Variants in PRDM8 observed in about 807,000 individuals in gnomAD.
PRDM8 encodes PR/SET domain 8.
Under a neutral mutation model 46.5 loss-of-function variants are expected in PRDM8, and 13 were observed. The observed-to-expected ratio is 0.28, with a 90% CI of 0.18 to 0.44. The LOEUF (loss-of-function observed/expected upper bound fraction) is 0.44. Among genes scored for constraint, PRDM8 ranks in the 20% least tolerant of loss-of-function variants. PRDM8 has a pLI of 1.00. For synonymous variants in PRDM8, 473 were observed against 438.4 expected (o/e 1.08, Z -0.98); for missense variants, 998 against 955.0 (o/e 1.04, Z -0.59).
chr4:80,202,452 A>G lies in PRDM8; in HGVS notation c.990A>G (p.Val330=). 1 of 1,544,838 alleles carries G rather than the reference A, an allele frequency of 6.5e-7. No homozygotes were observed. The highest frequency in any genetic ancestry group is 8.7e-7 in the Non-Finnish European group (1 of 1,146,088). ...AGGGCGGCGGTGGCGCTGGTCTGGT[A>G]GGGGGCCGGGGCCGCTTCGTAGAGC... ...AAEGGGGAGL[V]GGRGRFVERP... is the part of the protein sequence containing the mutation. The change falls in exon 4 of 4, where the codon GTA becomes GTG. Residue 330 remains valine, a synonymous_variant. Coordinates refer to ENST00000415738, the MANE Select transcript of PRDM8 (RefSeq NM_001099403.2).
chr4:80,185,404 G>A (rs995748025), exon 1 of PRDM8: 7 of 152,356 alleles, frequency 4.6e-5, no homozygotes, highest in African/African-American at 1.7e-4. Context: ...GGGAAACTGA[G>A]GAGACCCGCA....
rs138488658 is a variant in PRDM8 at position 80,187,249 on chromosome 4, C to CGGG, written c.-983+1735_-983+1737dup. Among the ~76,000 whole-genome samples the CGGG allele has an allele frequency of 5.2e-4, 63 of 121,744 alleles. 7 individuals are homozygous for CGGG. Among genetic ancestry groups the CGGG allele is most frequent in the African/African-American group, 1.4e-3 (49 of 34,010 alleles). The allele number at this position is 121,744 out of a possible 152,430, so 79.9% of individuals were successfully genotyped here. On this transcript the variant is annotated intron_variant, in intron 1 of 9. Transcript: ENST00000339711. Reference sequence around the variant, plus strand: ...TGTATCAGCATTCTCTGCCCTGGGGCGGGGGGAAGCAGAAGAATATCATCT... The same window carrying CGGG: ...TGTATCAGCATTCTCTGCCCTGGGGCGGGGGGGGGAAGCAGAAGAATATCATCT...
At chr4:80,195,916 C>CAA (rs1737907641), upstream of PRDM8, 1 of 180,602 alleles carries the variant, frequency 5.5e-6, no homozygotes, top group African/African-American at 3.0e-5. Flanking sequence ...CACACACACA[C>CAA]ACACACACAC....
chr4:80,202,202 C>A lies in PRDM8; in HGVS notation c.740C>A (p.Ser247Tyr), dbSNP rs781560136. The A allele has an allele frequency of 1.9e-6, 3 of 1,612,092 alleles. No individual in the cohort carries two copies. The highest frequency in any genetic ancestry group is 1.1e-5 in the South Asian group (1 of 91,056). Reference sequence around the variant, plus strand: ...CCCTCCCCGGAAAGCAGCAACCCATCCGCTGCCGCCGGCGGCAGCAGCGCG... The same window carrying A: ...CCCTCCCCGGAAAGCAGCAACCCATACGCTGCCGCCGGCGGCAGCAGCGCG... Reference protein sequence around the residue: ...PSPSPESSNPSAAAGGSSAKP... With the variant: ...PSPSPESSNPYAAAGGSSAKP... The change falls in exon 4 of 4, where the codon TCC becomes TAC. Residue 247 changes from serine (S) to tyrosine (Y), a missense_variant. By Grantham distance (144) the Ser-to-Tyr change is moderately radical. Coordinates refer to ENST00000415738, the MANE Select transcript of PRDM8 (RefSeq NM_001099403.2).
chr4:80,193,289 C>G (rs903060256), upstream of PRDM8, among the ~76,000 whole-genome samples: 9 of 152,270 alleles, frequency 5.9e-5, no homozygotes, highest in East Asian at 1.7e-3. Context: ...AGGAACAGAC[C>G]TAAACTGAGT....
chr4:80,186,563 C>A (rs1737107117), intron 1 of PRDM8, among the ~76,000 whole-genome samples: 1 of 152,052 alleles, frequency 6.6e-6, no homozygotes, highest in South Asian at 2.1e-4. Flanking sequence ...CGGGTAGGGT[C>A]TCCTCTTTTC....
rs1553904883 is a variant in PRDM8, at chr4:80,199,018, T to TTTTTA, written c.-2-1061_-2-1060insTTTTA. Among the ~76,000 whole-genome samples the TTTTTA allele has an allele frequency of 2.9e-4, 26 of 89,184 alleles. 1 individual carries two copies. Among genetic ancestry groups the TTTTTA allele is most frequent in the East Asian group, 6.0e-4 (1 of 1,676 alleles). The allele number at this position is 89,184 out of a possible 152,430, so 58.5% of individuals were successfully genotyped here. A position where few individuals can be genotyped will look rare whatever the true frequency, so the allele number is the denominator to read the frequency against. ...TGTTTTTTTTTTTTTTTTTTTTTTT[T>TTTTTA]AGTGATAAGTCTTGTATGGGGTGTC... On this transcript the variant is annotated intron_variant, in intron 1 of 3. Coordinates refer to ENST00000415738, the MANE Select transcript of PRDM8 (RefSeq NM_001099403.2).
Position 80,201,352 on chromosome 4 carries a change from G to T in PRDM8, c.282G>T (p.Ser94=), listed in dbSNP as rs777124231. 6.2e-7 allele frequency: 1 copy of T among 1,614,214 alleles called. No homozygotes were observed. Among genetic ancestry groups the T allele is most frequent in the Non-Finnish European group, 8.5e-7 (1 of 1,180,036 alleles). The part of the protein sequence containing the change: ...EGLMWLRLVQ[S]ARDKEEQNLE... ...TCATGTGGCTGCGGTTGGTCCAATC[G>T]GCCAGAGATAAGGAAGAGCAGAACC... The change falls in exon 3 of 4, where the codon TCG becomes TCT. Residue 94 remains serine, a synonymous_variant. Transcript: ENST00000415738.
intron 3 of PRDM8, 41 bp from the exon 4 acceptor site, chr4:80,201,873 T>C (rs536287220): frequency 2.1e-5 from 33 of 1,604,150 alleles, no homozygotes; most frequent in East Asian, 1.3e-4. Flanking sequence ...TGTGTGTGTG[T>C]GTGCGTGCGT....
Position 80,202,552 on chromosome 4 carries a change from C to G in PRDM8, c.1090C>G (p.Leu364Val). 2 of 1,535,370 alleles carry G rather than the reference C, an allele frequency of 1.3e-6. No homozygotes were observed. The highest frequency in any genetic ancestry group is 1.7e-6 in the Non-Finnish European group (2 of 1,146,436). ...QYRASGSYFG[L>V]EENGRLFAPP... is the part of the protein sequence containing the mutation. ...CCGAGCCTCGGGCAGCTACTTCGGCCTGGAAGAGAACGGCCGCCTCTTCGC... is the reference window on the plus strand; with the variant it reads ...CCGAGCCTCGGGCAGCTACTTCGGCGTGGAAGAGAACGGCCGCCTCTTCGC... The change falls in exon 4 of 4, where the codon CTG becomes GTG. Residue 364 changes from leucine (L) to valine (V), a missense_variant. By Grantham distance (32) the Leu-to-Val change is conservative (BLOSUM62 1). Coordinates refer to ENST00000415738, the MANE Select transcript of PRDM8 (RefSeq NM_001099403.2).
chr4:80,196,430 C>T, upstream of PRDM8: 1 of 985,450 alleles, frequency 1.0e-6, no homozygotes, highest in Non-Finnish European at 1.2e-6. Context: ...AAGGAGTCAA[C>T]TTGCAGGCTG....
chr4:80,203,043 C>T lies in PRDM8; in HGVS notation c.1581C>T (p.His527=). 1 of 1,554,166 alleles carries T rather than the reference C, an allele frequency of 6.4e-7. No individual in the cohort carries two copies. Among genetic ancestry groups the T allele is most frequent in the Non-Finnish European group, 8.6e-7 (1 of 1,159,586 alleles). ...AGCTGGGCGCGCTCGAGCCATGCCA[C>T]CCCGCCGACGGCGTGGGCCCCACCA... The part of the protein sequence containing the change: ...GQKLGALEPC[H]PADGVGPTRL... The change falls in exon 4 of 4, where the codon CAC becomes CAT. Residue 527 remains histidine, a synonymous_variant. Transcript: ENST00000415738.
At position 80,200,153 on chromosome 4, in the gene PRDM8, A is replaced by AT. The variant is rs1476641870; in HGVS notation, c.78dup (p.Thr27TyrfsTer11). The stretch of plus-strand genomic sequence containing the variant: ...GGCTGTCCAACAATGTCTGACAGAT[A>AT]TTTTTACCAGCGTTTACACCACCTG... On this transcript the variant is annotated frameshift_variant, in exon 2 of 4. Coordinates refer to ENST00000415738, the MANE Select transcript of PRDM8 (RefSeq NM_001099403.2). LOFTEE classifies it high-confidence loss of function. 1.2e-6 allele frequency: 2 copies of AT among 1,614,114 alleles called. No homozygotes were observed.
intron 2 of PRDM8, among the ~76,000 whole-genome samples, chr4:80,200,572 C>CCTGGT (rs1738366215): frequency 1.3e-5 from 2 of 152,164 alleles, no homozygotes; most frequent in African/African-American, 4.8e-5. Flanking sequence ...GTGATGAACA[C>CCTGGT]GACTTCCTAA....
rs1300612719 is a variant in PRDM8, at chr4:80,202,461, G to A, written c.999G>A (p.Arg333=). 3 of 1,544,160 alleles carry A rather than the reference G, an allele frequency of 1.9e-6. No homozygotes were observed. In the South Asian group the frequency reaches 3.6e-5, roughly 18 times the overall value. ...GTGGCGCTGGTCTGGTAGGGGGCCG[G>A]GGCCGCTTCGTAGAGCGGCCCCTCC... ...GGGGAGLVGG[R]GRFVERPLPA... Residue 333 remains arginine (R), a synonymous_variant, in exon 4 of 4, where the codon CGG becomes CGA. Coordinates refer to ENST00000415738, the MANE Select transcript of PRDM8 (RefSeq NM_001099403.2).
upstream of PRDM8, among the ~76,000 whole-genome samples, chr4:80,195,715 A>G (rs994690700): frequency 2.0e-5 from 3 of 152,184 alleles, no homozygotes; most frequent in East Asian, 5.8e-4. Context: ...GCACATAGCC[A>G]AAGTACATAA....
chr4:80,192,364 C>T (rs1489819091), intron 2 of PRDM8, among the ~76,000 whole-genome samples: 1 of 152,206 alleles, frequency 6.6e-6, no homozygotes, highest in East Asian at 1.9e-4. Flanking sequence ...GGGATGATGT[C>T]CATTCTCCTG....
At chr4:80,201,643 T>C (rs1578261785) in intron 3 of PRDM8, 122 bp downstream of exon 3, 1 of 1,057,924 alleles carries the variant, frequency 9.5e-7, no homozygotes, top group East Asian at 2.5e-5. Flanking sequence ...CATAGGAAGA[T>C]TCTGAGATGT....
rs756781919 is a variant in PRDM8, at chr4:80,203,152, A to AGCG, written c.1702_1704dup (p.Gly568dup). ...GAACGGAGGTTGCGGGTCCCTGCCG[A>AGCG]GCGGCGGCGGCGGCCTGCCTAAGCA... On this transcript the variant is annotated inframe_insertion, in exon 4 of 4. Coordinates refer to ENST00000415738, the MANE Select transcript of PRDM8 (RefSeq NM_001099403.2). The AGCG allele has an allele frequency of 1.9e-5, 29 of 1,543,608 alleles. No homozygotes were observed. Among genetic ancestry groups the AGCG allele is most frequent in the South Asian group, 9.4e-5 (8 of 84,902 alleles).
Sources: allele counts gnomAD v4.1 joint callset (sites outside exome capture counted in the v4.1 genomes callset), GRCh38; gene constraint gnomAD v4.1.1; transcripts MANE v1.5; gene names NCBI Gene and HGNC (gene_info 2026-07-23, HGNC 2026-07-21).